AFF3: variants seen among roughly 807,000 people sequenced by gnomAD.
AFF3 encodes AF4/FMR2 family member 3.
AFF3 carries 32 observed loss-of-function variants against 129.7 expected under a neutral mutation model. The observed-to-expected ratio is 0.25, with a 90% CI of 0.19 to 0.33. AFF3 has a LOEUF of 0.33. Among genes scored for constraint, AFF3 ranks in the 10% least tolerant of loss-of-function variants. The pLI is 1.00. For synonymous variants in AFF3, 644 were observed against 635.4 expected (o/e 1.01, Z -0.20); for missense variants, 1,373 against 1,592.0 (o/e 0.86, Z 2.34).
At chr2:99,634,964 TACACACACACACAC>T (rs201362666) in intron 13 of AFF3, among the ~76,000 whole-genome samples, 3 of 137,766 alleles carry the variant, frequency 2.2e-5, no homozygotes, top group South Asian at 2.5e-4. Context: ...GATTCTGTCA[TACACACACACACAC>T]ACACACACAC....
chr2:99,614,119 C>A (rs537049577), intron 13 of AFF3, among the ~76,000 whole-genome samples: 4 of 152,080 alleles, frequency 2.6e-5, no homozygotes, highest in Non-Finnish European at 5.9e-5. Context: ...AACTCTGAAC[C>A]AGGAGTGGGA....
intron 8 of AFF3, among the ~76,000 whole-genome samples, chr2:99,783,535 G>T (rs1684560960): frequency 6.6e-6 from 1 of 152,226 alleles, no homozygotes; most frequent in Admixed American, 6.5e-5. Context: ...CGGCACAGGA[G>T]GATTCACTTC....
At chr2:99,975,244 G>C (rs1678760542) in intron 7 of AFF3, among the ~76,000 whole-genome samples, 1 of 152,196 alleles carries the variant, frequency 6.6e-6, no homozygotes, top group African/African-American at 2.4e-5. Context: ...CAGACCCAAT[G>C]AATCACTGAC....
intron 7 of AFF3, among the ~76,000 whole-genome samples, chr2:99,901,066 C>G (rs1299315838): frequency 1.3e-5 from 2 of 152,240 alleles, no homozygotes; most frequent in African/African-American, 4.8e-5. Flanking sequence ...GTGTGCATGC[C>G]TGCATATGCA....
chr2:99,782,675 G>A (rs930154003), intron 8 of AFF3, among the ~76,000 whole-genome samples: 5 of 152,178 alleles, frequency 3.3e-5, no homozygotes, highest in African/African-American at 9.6e-5. Flanking sequence ...CACTTTGACT[G>A]GTAATTAGGT....
intron 2 of AFF3, among the ~76,000 whole-genome samples, chr2:100,116,297 C>A (rs1446238246): frequency 6.6e-6 from 1 of 151,788 alleles, no homozygotes; most frequent in African/African-American, 2.4e-5. Context: ...TTAACTCAGC[C>A]TGACAAACTT....
rs1426760692 is a variant in AFF3 at position 99,559,091 on chromosome 2, T to C, written c.3192-123A>G. ...CAATACCTTGTTTCTACATAGGAAA[T>C]CTTTCTATACGTGCATATAATGTCT... On this transcript the variant is annotated intron_variant, in intron 21 of 24. Transcript: ENST00000672756. 3 of 788,656 alleles carry C rather than the reference T, an allele frequency of 3.8e-6. No individual in the cohort carries two copies. In the African/African-American group the frequency reaches 5.2e-5, roughly 14 times the overall value. 48.9% of individuals were successfully genotyped at this position (788,656 alleles called of 1,614,324 possible).
At chr2:99,858,681 T>C (rs576189100) in intron 7 of AFF3, among the ~76,000 whole-genome samples, 2 of 152,218 alleles carry the variant, frequency 1.3e-5, no homozygotes, top group East Asian at 1.9e-4. Context: ...TTCTCACTTA[T>C]AAGTGGGAGC....
chr2:99,744,121 G>C lies in AFF3; in HGVS notation c.1022C>G (p.Ser341Cys), dbSNP rs779277684. ...FPNKDSQLVS[S>C]GHNNPKKGDA... Reference sequence around the variant, plus strand: ...TTTCTTACTTGGATTATTGTGTCCAGAGGATACAAGCTGAGAGTCCTGAAA... The same window carrying C: ...TTTCTTACTTGGATTATTGTGTCCACAGGATACAAGCTGAGAGTCCTGAAA... Residue 341 changes from serine (S) to cysteine (C), a missense_variant, in exon 10 of 25, where the codon TCT becomes TGT. Ser to Cys is a moderately radical substitution (Grantham distance 112). This residue lies in a region of AFF3 where 413 missense variants were observed against 424.4 expected (regional missense o/e 0.97). Coordinates refer to ENST00000672756, the MANE Select transcript of AFF3 (RefSeq NM_001386135.1). 2 of 1,606,832 alleles carry C rather than the reference G, an allele frequency of 1.2e-6. No individual in the cohort carries two copies. The highest frequency in any genetic ancestry group is 1.7e-6 in the Non-Finnish European group (2 of 1,177,026).
At chr2:100,015,973 G>C (rs948092208) in intron 4 of AFF3, among the ~76,000 whole-genome samples, 3 of 151,850 alleles carry the variant, frequency 2.0e-5, no homozygotes, top group African/African-American at 4.8e-5. Flanking sequence ...TGATGATGGT[G>C]GTTATGGTAG....
intron 11 of AFF3, among the ~76,000 whole-genome samples, chr2:99,693,594 G>A (rs1451138626): frequency 6.6e-6 from 1 of 152,138 alleles, no homozygotes; most frequent in African/African-American, 2.4e-5. Context: ...ACTGCAATTT[G>A]TAAGTCTTAG....
At chr2:99,639,400 G>A (rs2105476874) in intron 13 of AFF3, among the ~76,000 whole-genome samples, 1 of 152,298 alleles carries the variant, frequency 6.6e-6, no homozygotes, top group Admixed American at 6.5e-5. Flanking sequence ...CTCTGTTGGA[G>A]CAGTGAGGCC....
chr2:99,672,712 A>G (rs1332496993), intron 11 of AFF3, 123 bp from the exon 12 acceptor site: 1 of 924,782 alleles, frequency 1.1e-6, no homozygotes, highest in Non-Finnish European at 1.6e-6. Flanking sequence ...AGTCTATTTG[A>G]TTTCCTATTT....
intron 4 of AFF3, among the ~76,000 whole-genome samples, chr2:100,034,514 C>T (rs1247644326): frequency 6.6e-6 from 1 of 151,888 alleles, no homozygotes; most frequent in Admixed American, 6.6e-5. Flanking sequence ...AATGGAAGTC[C>T]ATAAAAACCT....
At chr2:99,573,043 G>A (rs1251314706) in intron 18 of AFF3, among the ~76,000 whole-genome samples, 5 of 152,164 alleles carry the variant, frequency 3.3e-5, no homozygotes, top group Admixed American at 6.5e-5. Flanking sequence ...TCTGCAGGAC[G>A]CTCAGGCTAA....
intron 2 of AFF3, among the ~76,000 whole-genome samples, chr2:100,109,177 CAA>C (rs1691430019): frequency 6.7e-6 from 1 of 149,280 alleles, no homozygotes; most frequent in East Asian, 2.0e-4. Context: ...CCAAACAAAA[CAA>C]AGATAATTTC....
chr2:99,618,762 C>T (rs895335567), intron 13 of AFF3, among the ~76,000 whole-genome samples: 1 of 152,154 alleles, frequency 6.6e-6, no homozygotes, highest in Non-Finnish European at 1.5e-5. Context: ...TAGTCCAACT[C>T]CCCAGAAAAC....
At chr2:99,645,725 T>C (rs1419007241) in intron 13 of AFF3, among the ~76,000 whole-genome samples, 3 of 152,222 alleles carry the variant, frequency 2.0e-5, no homozygotes, top group African/African-American at 7.2e-5. Flanking sequence ...CACAGTTGAT[T>C]TTTAAAATTT....
At position 99,970,554 on chromosome 2, in the gene AFF3, G is replaced by A. The variant is rs184883852; in HGVS notation, c.873+36078C>T. ...TTTTATTGCTTGCATAAAAGTCAAC[G>A]ACAAGCTTCCCTTCACCACAGAAAC... On this transcript the variant is annotated intron_variant, in intron 7 of 24. Transcript: ENST00000672756. 1.2e-4 allele frequency among the ~76,000 whole-genome samples: 18 copies of A among 152,204 alleles called. No individual in the cohort carries two copies. The East Asian group carries it at 2.7e-3, about 23-fold the overall frequency.
Sources: gnomAD v4.1 joint callset for allele counts (sites outside exome capture counted in the v4.1 genomes callset) on GRCh38, gnomAD v4.1.1 for gene constraint, gnomAD v4.1.1 regional missense constraint, MANE v1.5 for transcripts, NCBI Gene and HGNC (gene_info 2026-07-23, HGNC 2026-07-21) for gene names.